PDE8B: variants seen among roughly 807,000 people sequenced by gnomAD.
PDE8B encodes high affinity cAMP-specific and IBMX-insensitive 3',5'-cyclic phosphodiesterase 8B.
Under a neutral mutation model 101.3 loss-of-function variants are expected in PDE8B, and 26 were observed. The observed-to-expected ratio is 0.26, with a 90% CI of 0.19 to 0.36. The LOEUF (loss-of-function observed/expected upper bound fraction) is 0.36, where lower values mean the gene tolerates loss of function less well. PDE8B is among the 10% of genes least tolerant of loss of function. The pLI is 1.00. For missense variants in PDE8B, 810 were observed against 1,163.1 expected (o/e 0.70, Z 4.42); for synonymous variants, 424 against 429.3 (o/e 0.99, Z 0.15).
At chr5:77,267,199 G>T (rs1761898910) in intron 1 of PDE8B, among the ~76,000 whole-genome samples, 1 of 152,066 alleles carries the variant, frequency 6.6e-6, no homozygotes, top group African/African-American at 2.4e-5. Flanking sequence ...CAGCACTTTG[G>T]GAGGCCAAGG....
intron 15 of PDE8B, 93 bp downstream of exon 15, chr5:77,411,814 C>A: frequency 1.0e-6 from 1 of 974,028 alleles, no homozygotes; most frequent in Non-Finnish European, 1.7e-6. Flanking sequence ...GTGTTACTTC[C>A]AGCTAGTCCC....
chr5:77,284,378 T>TA (rs1765584756), intron 1 of PDE8B, among the ~76,000 whole-genome samples: 1 of 152,240 alleles, frequency 6.6e-6, no homozygotes, highest in Admixed American at 6.5e-5. Flanking sequence ...TTTGGTGTCA[T>TA]ACCTAAAAAG....
chr5:77,409,019 G>C lies in PDE8B; in HGVS notation c.1492G>C (p.Asp498His). 6.2e-7 allele frequency: 1 copy of C among 1,614,036 alleles called. No individual in the cohort carries two copies. The highest frequency in any genetic ancestry group is 8.5e-7 in the Non-Finnish European group (1 of 1,179,906). The change falls in exon 14 of 22, where the codon GAT becomes CAT. Residue 498 changes from aspartate to histidine, a missense_variant. Around this residue, in one of 4 missense-constraint regions of PDE8B, gnomAD observed 325 missense variants for 560.9 expected, o/e 0.58. Coordinates refer to ENST00000264917, the MANE Select transcript of PDE8B (RefSeq NM_003719.5). ...YSPQLGTKDE[D>H]PHTSDLVGGL... ...CCCTCAGCTGGGTACCAAAGATGAA[G>C]ATCCCCACACCAGTGATCTTGTTGG... is the stretch of plus-strand genomic sequence containing the variant.
the PDE8B span, among the ~76,000 whole-genome samples, chr5:77,142,807 G>A: frequency 6.6e-6 from 1 of 151,302 alleles, no homozygotes; most frequent in African/African-American, 2.4e-5. Context: ...GCCTGAAACT[G>A]CACAGATGAG....
the PDE8B span, among the ~76,000 whole-genome samples, chr5:77,193,396 T>C: frequency 4.9e-3 from 744 of 152,324 alleles, 2 homozygotes; most frequent in African/African-American, 0.017. Context: ...TGCATTTGGA[T>C]ACTCAGTCAT....
the PDE8B span, among the ~76,000 whole-genome samples, chr5:77,149,761 C>T: frequency 6.6e-6 from 1 of 152,134 alleles, no homozygotes; most frequent in East Asian, 1.9e-4. Context: ...GTATAGATTC[C>T]TTGGTGTTTT....
At chr5:77,312,700 G>C (rs1772933205) in intron 2 of PDE8B, among the ~76,000 whole-genome samples, 1 of 152,336 alleles carries the variant, frequency 6.6e-6, no homozygotes, top group Non-Finnish European at 1.5e-5. Flanking sequence ...AGATGATTAT[G>C]CCTCGGGAAA....
chr5:77,118,664 T>C, the PDE8B span: 1 of 349,402 alleles, frequency 2.9e-6, no homozygotes. Context: ...CATAAGTTTC[T>C]TTTTCATGGG....
At chr5:77,181,878 G>A in the PDE8B span, among the ~76,000 whole-genome samples, 11 of 152,194 alleles carry the variant, frequency 7.2e-5, no homozygotes, top group Non-Finnish European at 1.6e-4. Flanking sequence ...GGAGGCGAGG[G>A]CCAGAGGACC....
At chr5:77,323,908 G>A (rs1418220191) in intron 2 of PDE8B, among the ~76,000 whole-genome samples, 4 of 152,118 alleles carry the variant, frequency 2.6e-5, no homozygotes, top group East Asian at 1.9e-4. Context: ...GCAGTGAGCC[G>A]AGATTGTGCC....
chr5:77,290,559 C>G, intron 1 of PDE8B: 1 of 1,489,836 alleles, frequency 6.7e-7, no homozygotes. Context: ...GGAGAAGATC[C>G]AAGTACTAGG....
chr5:77,408,809 T>A (rs748294097), intron 13 of PDE8B, 84 bp from the exon 14 acceptor site: 8 of 1,078,874 alleles, frequency 7.4e-6, no homozygotes, highest in Non-Finnish European at 1.2e-5. Flanking sequence ...ACCCACTGAT[T>A]TCTTTTGGAT....
the PDE8B span, among the ~76,000 whole-genome samples, chr5:77,104,283 T>C: frequency 6.6e-6 from 1 of 152,224 alleles, no homozygotes; most frequent in Non-Finnish European, 1.5e-5. Context: ...GTATAGTAGA[T>C]GTTCCCTTTA....
intron 1 of PDE8B, among the ~76,000 whole-genome samples, chr5:77,225,237 C>G (rs1752075496): frequency 6.6e-6 from 1 of 152,234 alleles, no homozygotes; most frequent in African/African-American, 2.4e-5. Flanking sequence ...TCTACTCTTC[C>G]ATTTGCCAGT....
chr5:77,319,055 A>G (rs10473990), intron 2 of PDE8B, among the ~76,000 whole-genome samples: 43,967 of 152,080 alleles, frequency 0.29, 6,403 homozygotes, highest in Middle Eastern at 0.41. Context: ...GATTATTGCT[A>G]TCCTCAAAAA....
At chr5:77,201,527 A>G in the PDE8B span, among the ~76,000 whole-genome samples, 1 of 152,180 alleles carries the variant, frequency 6.6e-6, no homozygotes, top group African/African-American at 2.4e-5. Flanking sequence ...TAGACTCAAG[A>G]TTCTGGGTCC....
At chr5:77,340,456 A>G (rs898003072) in intron 6 of PDE8B, among the ~76,000 whole-genome samples, 1 of 152,180 alleles carries the variant, frequency 6.6e-6, no homozygotes, top group Non-Finnish European at 1.5e-5. Flanking sequence ...GCCAACAAGT[A>G]ACAAGGTCAC....
Position 77,399,111 on chromosome 5 carries a change from G to A in PDE8B, c.1168-1137G>A, listed in dbSNP as rs867224354. ...CCAGCACTTACATACCAGAGGAAAG[G>A]AATGTGTAGGACACTTGCAGAGAAA... is the stretch of plus-strand genomic sequence containing the variant. On this transcript the variant is annotated intron_variant, in intron 10 of 21. Transcript: ENST00000264917. Among the ~76,000 whole-genome samples, 40 of 152,360 alleles carry A rather than the reference G, an allele frequency of 2.6e-4. 1 individual carries two copies. The highest frequency in any genetic ancestry group is 6.8e-3 in the Middle Eastern group (2 of 294).
the PDE8B span, among the ~76,000 whole-genome samples, chr5:77,174,602 C>T: frequency 6.6e-6 from 1 of 152,196 alleles, no homozygotes; most frequent in Non-Finnish European, 1.5e-5. Flanking sequence ...CTCTTCGTGT[C>T]AGTGAACAAG....
Sources: gnomAD v4.1 joint callset for allele counts (sites outside exome capture counted in the v4.1 genomes callset) on GRCh38, gnomAD v4.1.1 for gene constraint, gnomAD v4.1.1 regional missense constraint, MANE v1.5 for transcripts, NCBI Gene and HGNC (gene_info 2026-07-23, HGNC 2026-07-21) for gene names.